Variants in FMN2 observed in about 807,000 individuals in gnomAD.
FMN2 encodes formin-2.
In FMN2, 51 loss-of-function variants were observed where a neutral mutation model predicts 142.3. That is an observed-to-expected ratio of 0.36 (90% CI 0.29 to 0.45). The LOEUF is 0.45. FMN2 is among the 20% of genes least tolerant of loss of function. The pLI is 1.00. For synonymous variants in FMN2, 882 were observed against 869.8 expected, an observed-to-expected ratio of 1.01 and a Z score of -0.25; for missense variants, 1,936 against 2,122.8, an observed-to-expected ratio of 0.91 and a Z score of 1.73.
At chr1:240,232,523 C>G (rs1667563073) in intron 6 of FMN2, among the ~76,000 whole-genome samples, 1 of 152,150 alleles carries the variant, frequency 6.6e-6, no homozygotes, top group African/African-American at 2.4e-5. Flanking sequence ...AAGAATACAT[C>G]CCTCTTAACT....
At position 240,373,849 on chromosome 1, in the gene FMN2, A is replaced by G. The variant is rs186378669; in HGVS notation, c.4858+17941A>G. ...AATGTTCTTAATGGCATCTAGAATG[A>G]TGAATCCTTTTAGATAGTTTTCAAT... is the stretch of plus-strand genomic sequence containing the variant. On this transcript the variant is annotated intron_variant, in intron 14 of 17. Transcript: ENST00000319653. Among the ~76,000 whole-genome samples the G allele has an allele frequency of 1.1e-3, 165 of 152,346 alleles. 2 individuals carry two copies. Among genetic ancestry groups the G allele is most frequent in the Admixed American group, 1.4e-3 (21 of 15,300 alleles).
At chr1:240,352,442 C>T (rs891237607) in intron 13 of FMN2, among the ~76,000 whole-genome samples, 1 of 152,046 alleles carries the variant, frequency 6.6e-6, no homozygotes, top group Non-Finnish European at 1.5e-5. Context: ...ATTAACAGGG[C>T]GTGGTGGCAG....
chr1:240,388,922 C>G (rs1572257984), intron 14 of FMN2, among the ~76,000 whole-genome samples: 2 of 151,374 alleles, frequency 1.3e-5, no homozygotes, highest in South Asian at 4.2e-4. Context: ...ACAGAAAGCC[C>G]GGTGATTTGA....
At chr1:240,375,732 C>T (rs1310967790) in intron 14 of FMN2, among the ~76,000 whole-genome samples, 2 of 152,178 alleles carry the variant, frequency 1.3e-5, no homozygotes, top group Non-Finnish European at 2.9e-5. Context: ...AGCCTCCATT[C>T]CCTGCAGTTC....
At chr1:240,270,124 G>C (rs931334472) in intron 7 of FMN2, among the ~76,000 whole-genome samples, 7 of 152,044 alleles carry the variant, frequency 4.6e-5, no homozygotes, top group Non-Finnish European at 8.8e-5. Flanking sequence ...TAGAAGAAAA[G>C]CTTTCAACTT....
At chr1:240,306,306 C>T (rs1454642711) in intron 8 of FMN2, among the ~76,000 whole-genome samples, 2 of 152,030 alleles carry the variant, frequency 1.3e-5, no homozygotes, top group Non-Finnish European at 2.9e-5. Context: ...TCAAGGGATA[C>T]ATGTGCAGGT....
At chr1:240,301,718 G>A (rs1214659364) in intron 8 of FMN2, among the ~76,000 whole-genome samples, 1 of 151,832 alleles carries the variant, frequency 6.6e-6, no homozygotes, top group East Asian at 1.9e-4. Context: ...TGTCTCTGAT[G>A]ATAAGTCTGC....
At chr1:240,400,371 A>G (rs1673935736) in intron 15 of FMN2, among the ~76,000 whole-genome samples, 1 of 152,216 alleles carries the variant, frequency 6.6e-6, no homozygotes, top group South Asian at 2.1e-4. Context: ...TAAGATATGT[A>G]ACCCAGGGGC....
intron 14 of FMN2, among the ~76,000 whole-genome samples, chr1:240,376,508 C>T (rs1302575903): frequency 2.6e-5 from 4 of 151,954 alleles, no homozygotes; most frequent in Non-Finnish European, 4.4e-5. Flanking sequence ...GATCAAAAAA[C>T]TTCAACAAAA....
Position 240,207,522 on chromosome 1 carries a change from G to T in FMN2, c.2710G>T (p.Gly904Cys), listed in dbSNP as rs1666415215. 6.2e-7 allele frequency: 1 copy of T among 1,612,802 alleles called. No individual in the cohort carries two copies. Among genetic ancestry groups the T allele is most frequent in the African/African-American group, 1.3e-5 (1 of 74,424 alleles). ...CATTCCCCAACCTCCTCCTCTGCAG[G>T]GTACAGAAATGCTGCCACCCCCTCC... ...TAIPQPPPLQ[G>C]TEMLPPPPPP... is the part of the protein sequence containing the mutation. Residue 904 changes from glycine to cysteine, a missense_variant, in exon 5 of 18, where the codon GGT becomes TGT. Around this residue, in one of 8 missense-constraint regions of FMN2, gnomAD observed 478 missense variants for 462.8 expected, o/e 1.03. Transcript: ENST00000319653.
At chr1:240,456,854 C>T (rs17631686) in intron 16 of FMN2, among the ~76,000 whole-genome samples, 37,966 of 152,106 alleles carry the variant, frequency 0.25, 4,854 homozygotes, top group Middle Eastern at 0.4. Context: ...ATTCACTGGG[C>T]CTTATTCTGC....
chr1:240,309,271 C>T (rs1337787963), intron 8 of FMN2, among the ~76,000 whole-genome samples: 2 of 152,132 alleles, frequency 1.3e-5, no homozygotes, highest in South Asian at 2.1e-4. Flanking sequence ...TGTTTGCAGC[C>T]CACTGGTTTG....
intron 15 of FMN2, chr1:240,400,675 A>G (rs560646994): frequency 6.3e-4 from 96 of 152,104 alleles, no homozygotes; most frequent in African/African-American, 2.2e-3. Flanking sequence ...TGCCACCCCA[A>G]TCTCAACAGT....
rs200347646 is a variant in FMN2, at chr1:240,093,353, C to G, written c.1244C>G (p.Thr415Ser). The change falls in exon 1 of 18, where the codon ACC (threonine) becomes AGC (serine). Residue 415 changes from threonine (T) to serine (S), a missense_variant. By Grantham distance (58) the Thr-to-Ser change is moderately conservative. This residue lies in a region of FMN2 where 751 missense variants were observed against 791.8 expected (regional missense o/e 0.95). Coordinates refer to ENST00000319653, the MANE Select transcript of FMN2 (RefSeq NM_020066.5). ...TGTTTCAAGCCCTACCCGCTCATCA[C>G]CCCCTGCTACATCAAGACCACCACC... Reference protein sequence around the residue: ...QRCFKPYPLITPCYIKTTTRQ... With the variant: ...QRCFKPYPLISPCYIKTTTRQ... 23 of 1,613,032 alleles carry G rather than the reference C, an allele frequency of 1.4e-5. No individual in the cohort carries two copies. In the Admixed American group the frequency reaches 2.5e-4, roughly 18 times the overall value.
intron 1 of FMN2, among the ~76,000 whole-genome samples, chr1:240,107,011 C>T (rs1371829239): frequency 6.6e-6 from 1 of 151,622 alleles, no homozygotes; most frequent in Non-Finnish European, 1.5e-5. Context: ...TAATGCCACT[C>T]TCCAAATTTT....
chr1:240,271,778 T>C (rs1234472653), intron 7 of FMN2, among the ~76,000 whole-genome samples: 1 of 152,108 alleles, frequency 6.6e-6, no homozygotes, highest in Non-Finnish European at 1.5e-5. Flanking sequence ...AGAATTTGTT[T>C]TAATTTAAAA....
intron 2 of FMN2, among the ~76,000 whole-genome samples, chr1:240,142,475 A>ATATTTATTTATTTATTTACT (rs1663225134): frequency 2.1e-5 from 3 of 146,162 alleles, no homozygotes; most frequent in African/African-American, 7.6e-5. Context: ...AAACCTTTTC[A>ATATTTATTTATTTATTTACT]TATTTATTTA....
intron 2 of FMN2, among the ~76,000 whole-genome samples, chr1:240,155,894 CTTTTTTT>C (rs57086534): frequency 7.3e-6 from 1 of 136,298 alleles, no homozygotes; most frequent in Non-Finnish European, 1.6e-5. Context: ...AAATTAGATA[CTTTTTTT>C]TTTTTTTAAT....
rs374007337 is a variant in FMN2, at chr1:240,178,087, T to C, written c.1930+19T>C. 3.2e-6 allele frequency: 5 copies of C among 1,555,360 alleles called. No homozygotes were observed. The African/African-American group carries it at 6.9e-5, about 21-fold the overall frequency. On this transcript the variant is annotated intron_variant, in intron 3 of 17. Coordinates refer to ENST00000319653, the MANE Select transcript of FMN2 (RefSeq NM_020066.5). ...GAAACAGGTAACCCTTTCCTTTGTCTTCAGAGATAACTGGAAGAGGCAAGA... is the reference window on the plus strand; with the variant it reads ...GAAACAGGTAACCCTTTCCTTTGTCCTCAGAGATAACTGGAAGAGGCAAGA...
Sources: allele counts gnomAD v4.1 joint callset (sites outside exome capture counted in the v4.1 genomes callset), GRCh38; gene constraint gnomAD v4.1.1; regional missense constraint gnomAD v4.1.1; transcripts MANE v1.5; gene names NCBI Gene and HGNC (gene_info 2026-07-23, HGNC 2026-07-21).